PDXDC1: variants seen among roughly 807,000 people sequenced by gnomAD.
The protein encoded by PDXDC1 is pyridoxal-dependent decarboxylase domain-containing protein 1.
In PDXDC1, 42 loss-of-function variants were observed where a neutral mutation model predicts 100.1. That is an observed-to-expected ratio of 0.42 (90% CI 0.33 to 0.54). PDXDC1 has a LOEUF of 0.54. Ranked by LOEUF, PDXDC1 falls within the 20% of genes least tolerant of loss-of-function variation. The probability of loss-of-function intolerance (pLI) is 0.10; values close to 1 mark genes in which losing one functional copy is unlikely to be tolerated. For missense variants in PDXDC1, 636 were observed against 979.2 expected (o/e 0.65, Z 4.68); for synonymous variants, 260 against 371.7 (o/e 0.70, Z 3.46).
chr16:15,048,727 G>C (rs191277955), intron 16 of PDXDC1, among the ~76,000 whole-genome samples: 2 of 151,990 alleles, frequency 1.3e-5, no homozygotes, highest in Admixed American at 6.6e-5. Context: ...AGGCTCAAGC[G>C]ATCCTACCAC....
intron 16 of PDXDC1, chr16:15,085,656 G>A (rs1252540227): frequency 1.2e-6 from 2 of 1,613,310 alleles, no homozygotes; most frequent in East Asian, 2.2e-5. Context: ...TTCATCATCA[G>A]AATCTGAAAC....
At chr16:15,099,269 G>A (rs187885282) in intron 16 of PDXDC1, among the ~76,000 whole-genome samples, 40 of 151,282 alleles carry the variant, frequency 2.6e-4, no homozygotes, top group Middle Eastern at 3.4e-3. Flanking sequence ...CTAAAAATAC[G>A]AATTAGCAGG....
At chr16:15,104,616 C>A in intron 16 of PDXDC1, 2 of 1,598,862 alleles carry the variant, frequency 1.3e-6, no homozygotes, top group Non-Finnish European at 1.7e-6. Context: ...TGTCTTGAGG[C>A]TCAGGGAGTT....
At chr16:15,111,152 ACAC>A (rs2047039617) in intron 16 of PDXDC1, among the ~76,000 whole-genome samples, 3 of 146,674 alleles carry the variant, frequency 2.0e-5, no homozygotes, top group Non-Finnish European at 3.0e-5. Context: ...ACACACACAC[ACAC>A]AAAACACACA....
At chr16:15,097,070 C>T (rs1279119502) in intron 16 of PDXDC1, among the ~76,000 whole-genome samples, 3 of 151,936 alleles carry the variant, frequency 2.0e-5, no homozygotes, top group Non-Finnish European at 2.9e-5. Context: ...GAGACCAGCC[C>T]AGGCAACACA....
At chr16:15,002,551 T>C (rs1973383464) in intron 4 of PDXDC1, among the ~76,000 whole-genome samples, 1 of 152,298 alleles carries the variant, frequency 6.6e-6, no homozygotes, top group African/African-American at 2.4e-5. Flanking sequence ...AGATGAACCA[T>C]ATTTTATTTT....
intron 1 of PDXDC1, among the ~76,000 whole-genome samples, chr16:14,993,604 C>T (rs1471846242): frequency 2.0e-5 from 3 of 152,290 alleles, no homozygotes; most frequent in Admixed American, 6.5e-5. Flanking sequence ...AATAAACATA[C>T]GTGTGCATGT....
intron 16 of PDXDC1, among the ~76,000 whole-genome samples, chr16:15,124,429 C>T (rs1179873053): frequency 1.3e-5 from 2 of 152,090 alleles, no homozygotes; most frequent in African/African-American, 4.8e-5. Context: ...AAATAGAAAG[C>T]CAATGCCTTT....
chr16:15,072,660 A>T, intron 16 of PDXDC1, among the ~76,000 whole-genome samples: 1 of 152,106 alleles, frequency 6.6e-6, no homozygotes, highest in East Asian at 1.9e-4. Context: ...AAAATTAGCC[A>T]GGCATGGTAA....
intron 7 of PDXDC1, 87 bp downstream of exon 7, chr16:15,008,934 A>G: frequency 2.4e-6 from 3 of 1,270,332 alleles, no homozygotes; most frequent in Admixed American, 1.8e-5. Flanking sequence ...TGGCCTCCAG[A>G]TAATTAGTAA....
Position 15,037,768 on chromosome 16 carries a change from T to G in PDXDC1, c.*1493T>G. The stretch of plus-strand genomic sequence containing the variant: ...TAGCTGCCGATAGACCAGTGAGAGG[T>G]AGGTTCTCCTCTGCCCGTTATTACC... On this transcript the variant is annotated 3_prime_UTR_variant, in exon 23 of 23. Coordinates refer to ENST00000396410, the MANE Select transcript of PDXDC1 (RefSeq NM_015027.4). 2.9e-6 allele frequency: 1 copy of G among 347,604 alleles called. No homozygotes were observed. Among genetic ancestry groups the G allele is most frequent in the Non-Finnish European group, 5.1e-6 (1 of 194,298 alleles). The allele number at this position is 347,604 out of a possible 1,614,324, so 21.5% of individuals were successfully genotyped here.
chr16:15,031,371 TTCTC>T (rs1229073040), intron 16 of PDXDC1, among the ~76,000 whole-genome samples: 1 of 152,140 alleles, frequency 6.6e-6, no homozygotes, highest in Non-Finnish European at 1.5e-5. Flanking sequence ...GTACTTCCCT[TTCTC>T]TCAGTCATAG....
intron 16 of PDXDC1, chr16:15,071,249 T>A (rs2151776011): frequency 6.2e-7 from 1 of 1,607,392 alleles, no homozygotes; most frequent in South Asian, 1.1e-5. Context: ...CCTCTGCGAA[T>A]CCCTATAAAA....
At chr16:14,991,267 A>ATGTGTGTGTGTGTGTGTGTG (rs10642182) in intron 1 of PDXDC1, among the ~76,000 whole-genome samples, 1 of 149,766 alleles carries the variant, frequency 6.7e-6, no homozygotes, top group Non-Finnish European at 1.5e-5. Context: ...GTATATAGAT[A>ATGTGTGTGTGTGTGTGTGTG]TGTGTGTGTG....
intron 16 of PDXDC1, chr16:15,047,828 T>C (rs774637498): frequency 3.8e-6 from 6 of 1,581,242 alleles, no homozygotes. Context: ...GTTTAAGTAA[T>C]GGTTTCCTTC....
intron 6 of PDXDC1, among the ~76,000 whole-genome samples, 176 bp downstream of exon 6, chr16:15,006,759 A>C (rs2040815518): frequency 6.6e-6 from 1 of 152,304 alleles, no homozygotes; most frequent in African/African-American, 2.4e-5. Flanking sequence ...AATATGGGAT[A>C]GATTACCCAG....
intron 16 of PDXDC1, chr16:15,127,051 G>A (rs2047774466): frequency 5.7e-6 from 2 of 351,496 alleles, no homozygotes; most frequent in Non-Finnish European, 1.1e-5. Flanking sequence ...GCCTCCTGAA[G>A]TGTTGGGATT....
At chr16:15,125,453 G>A (rs2047657598) in intron 16 of PDXDC1, 1 of 887,270 alleles carries the variant, frequency 1.1e-6, no homozygotes, top group African/African-American at 1.6e-5. Flanking sequence ...ACCACATGGA[G>A]CCACAGACAC....
intron 16 of PDXDC1, among the ~76,000 whole-genome samples, chr16:15,053,753 A>G (rs374483221): frequency 6.6e-6 from 1 of 152,244 alleles, no homozygotes; most frequent in East Asian, 1.9e-4. Flanking sequence ...TCTACTAAAA[A>G]TAAAAAAATT....
Sources: allele counts gnomAD v4.1 joint callset (sites outside exome capture counted in the v4.1 genomes callset), GRCh38; gene constraint gnomAD v4.1.1; transcripts MANE v1.5; gene names NCBI Gene and HGNC (gene_info 2026-07-23, HGNC 2026-07-21).